The following EXOC4 variants were observed in gnomAD, a reference collection of about 807,000 sequenced individuals.
EXOC4 encodes the protein exocyst complex component 4.
Under a neutral mutation model 107.2 loss-of-function variants are expected in EXOC4, and 71 were observed. The observed-to-expected ratio is 0.66, with a 90% CI of 0.55 to 0.81. The LOEUF (loss-of-function observed/expected upper bound fraction) is 0.81, where lower values mean the gene tolerates loss of function less well. Among genes scored for constraint, EXOC4 ranks in the 30% least tolerant of loss-of-function variants. The pLI is 0.00. For synonymous variants in EXOC4, 456 were observed against 441.2 expected (o/e 1.03, Z -0.42); for missense variants, 1,108 against 1,189.6 (o/e 0.93, Z 1.01).
In EXOC4 at chr7:133,542,411, C is replaced by T. The variant is rs565946431; in HGVS notation, c.1417+62273C>T. Among the ~76,000 whole-genome samples the T allele has an allele frequency of 5.3e-5, 8 of 152,162 alleles. No homozygotes were observed. The South Asian group carries it at 1.7e-3, about 32-fold the overall frequency. ...GCATGCCTTCCTTCTGGGTGTAGGG[C>T]AGGACCCTTTCTGGAATTGGGCAGG... On this transcript the variant is annotated intron_variant, in intron 9 of 17. Transcript: ENST00000253861.
intron 7 of EXOC4, among the ~76,000 whole-genome samples, chr7:133,412,104 C>A (rs1412376943): frequency 1.3e-5 from 2 of 151,872 alleles, no homozygotes; most frequent in Admixed American, 1.3e-4. Context: ...AAATAATAAT[C>A]ACTTGTCTAT....
intron 9 of EXOC4, among the ~76,000 whole-genome samples, chr7:133,588,436 G>A (rs890741150): frequency 6.6e-6 from 1 of 152,026 alleles, no homozygotes; most frequent in Non-Finnish European, 1.5e-5. Flanking sequence ...CTGTTTAGTG[G>A]TTAATAATTT....
rs566556409 is a variant in EXOC4, at chr7:133,809,411, A to G, written c.1515-7914A>G. ...TCCGCAGACCTGTAAATGTCATGCA[A>G]CTTTTCACATAGAAATCTTGGACTA... On this transcript the variant is annotated intron_variant, in intron 10 of 17. Coordinates refer to ENST00000253861, the MANE Select transcript of EXOC4 (RefSeq NM_021807.4). 1.1e-3 allele frequency among the ~76,000 whole-genome samples: 166 copies of G among 152,362 alleles called. No individual in the cohort carries two copies. In the South Asian group the frequency reaches 0.018, roughly 17 times the overall value.
At chr7:133,344,110 C>T (rs545921014) in intron 5 of EXOC4, among the ~76,000 whole-genome samples, 1 of 152,272 alleles carries the variant, frequency 6.6e-6, no homozygotes, top group South Asian at 2.1e-4. Flanking sequence ...AGCCAGAGCA[C>T]CTGGCCTAAT....
At chr7:133,987,076 G>C (rs1237629377) in intron 14 of EXOC4, among the ~76,000 whole-genome samples, 1 of 152,072 alleles carries the variant, frequency 6.6e-6, no homozygotes, top group Non-Finnish European at 1.5e-5. Flanking sequence ...AAGGATTTCA[G>C]AGTTGTCTTA....
At chr7:134,048,212 T>A (rs1795699888) in intron 17 of EXOC4, among the ~76,000 whole-genome samples, 1 of 152,190 alleles carries the variant, frequency 6.6e-6, no homozygotes, top group South Asian at 2.1e-4. Flanking sequence ...ACAATAGTGA[T>A]GTTATCCCCG....
intron 9 of EXOC4, among the ~76,000 whole-genome samples, chr7:133,510,091 T>C (rs1334020382): frequency 6.6e-6 from 1 of 152,226 alleles, no homozygotes; most frequent in African/African-American, 2.4e-5. Flanking sequence ...TTTTAGAACA[T>C]GTCAACCCAT....
chr7:133,970,449 T>G (rs1040824859), intron 14 of EXOC4, among the ~76,000 whole-genome samples: 3 of 14,602 alleles, frequency 2.1e-4, no homozygotes, highest in Non-Finnish European at 3.5e-4. Flanking sequence ...CCCAGTTTTG[T>G]GCTTGAAACC....
At chr7:133,514,961 A>G (rs1799844823) in intron 9 of EXOC4, among the ~76,000 whole-genome samples, 1 of 152,118 alleles carries the variant, frequency 6.6e-6, no homozygotes, top group African/African-American at 2.4e-5. Flanking sequence ...TGCTACCACC[A>G]CTTCAGTCTT....
intron 11 of EXOC4, among the ~76,000 whole-genome samples, chr7:133,890,568 A>G (rs1453089471): frequency 2.7e-4 from 37 of 138,622 alleles, no homozygotes; most frequent in East Asian, 2.1e-4. Context: ...TCTAACGTTT[A>G]AATCTTTAAT....
intron 10 of EXOC4, among the ~76,000 whole-genome samples, chr7:133,710,587 G>C (rs886241746): frequency 2.0e-5 from 3 of 149,166 alleles, no homozygotes; most frequent in Non-Finnish European, 4.5e-5. Context: ...GTGAACCCGG[G>C]AGGCGGAGCT....
chr7:134,055,692 T>TC (rs1197285687), intron 17 of EXOC4, among the ~76,000 whole-genome samples: 1 of 152,304 alleles, frequency 6.6e-6, no homozygotes, highest in East Asian at 1.9e-4. Flanking sequence ...TCCAGGGCAC[T>TC]CCAACTCTTT....
At chr7:133,725,653 G>C (rs1030438776) in intron 10 of EXOC4, among the ~76,000 whole-genome samples, 9 of 152,192 alleles carry the variant, frequency 5.9e-5, no homozygotes, top group African/African-American at 2.2e-4. Flanking sequence ...TGGGATTACA[G>C]GCGTGAACCA....
chr7:133,967,209 T>A lies in EXOC4; in HGVS notation c.2206+29140T>A, dbSNP rs923437805. ...TTTTTTATTGCATCTATTTGATTCT[T>A]CTCTTCTTCATTAGTCTGGCTAGCG... On this transcript the variant is annotated intron_variant, in intron 14 of 17. Coordinates refer to ENST00000253861, the MANE Select transcript of EXOC4 (RefSeq NM_021807.4). Among the ~76,000 whole-genome samples the A allele has an allele frequency of 4.6e-5, 7 of 152,304 alleles. No homozygotes were observed. The East Asian group carries it at 1.3e-3, about 29-fold the overall frequency.
intron 17 of EXOC4, among the ~76,000 whole-genome samples, chr7:134,046,828 A>G (rs1303328161): frequency 6.6e-6 from 1 of 152,156 alleles, no homozygotes; most frequent in African/African-American, 2.4e-5. Flanking sequence ...AGCACAGGTC[A>G]TTACAAAAAA....
chr7:133,977,041 C>T (rs781313412), intron 14 of EXOC4, among the ~76,000 whole-genome samples: 1 of 152,186 alleles, frequency 6.6e-6, no homozygotes, highest in Non-Finnish European at 1.5e-5. Flanking sequence ...GCTTGGTGGT[C>T]TAACCTGTGG....
chr7:133,500,810 T>C (rs941195921), intron 9 of EXOC4, among the ~76,000 whole-genome samples: 10 of 152,222 alleles, frequency 6.6e-5, no homozygotes, highest in Non-Finnish European at 1.5e-4. Context: ...GGGTGTGTAG[T>C]GGTATCTCAT....
At position 133,484,033 on chromosome 7, in the gene EXOC4, G is replaced by A. The variant is rs143105018; in HGVS notation, c.1417+3895G>A. On this transcript the variant is annotated intron_variant, in intron 9 of 17. Transcript: ENST00000253861. ...GGTTCATACGTCAACTTTTCCTTCCGTTGCAGGGTAGCGGCGAAGAAATCC... is the reference window on the plus strand; with the variant it reads ...GGTTCATACGTCAACTTTTCCTTCCATTGCAGGGTAGCGGCGAAGAAATCC... The A allele has an allele frequency of 6.7e-4, 1,078 of 1,613,858 alleles. 16 individuals carry two copies. The East Asian group carries it at 0.018, about 28-fold the overall frequency.
At chr7:133,789,339 G>A (rs1471853403) in intron 10 of EXOC4, among the ~76,000 whole-genome samples, 1 of 152,158 alleles carries the variant, frequency 6.6e-6, no homozygotes, top group Admixed American at 6.5e-5. Context: ...TCCATTTAGT[G>A]CGACTTTGCA....
Sources: gnomAD v4.1 joint callset for allele counts (sites outside exome capture counted in the v4.1 genomes callset) on GRCh38, gnomAD v4.1.1 for gene constraint, MANE v1.5 for transcripts, NCBI Gene and HGNC (gene_info 2026-07-23, HGNC 2026-07-21) for gene names.